The following AGMO variants were observed in gnomAD, a reference collection of about 807,000 sequenced individuals.
AGMO encodes alkylglycerol monooxygenase.
In AGMO, 75 loss-of-function variants were observed where a neutral mutation model predicts 60.2. The observed-to-expected ratio is 1.25, with a 90% CI of 1.03 to 1.51. The LOEUF (loss-of-function observed/expected upper bound fraction) is 1.51, where lower values mean the gene tolerates loss of function less well. AGMO is among the 40% of genes most tolerant of loss of function. The pLI is 0.00. For synonymous variants in AGMO, 261 were observed against 177.1 expected, an observed-to-expected ratio of 1.47 and a Z score of -3.76; for missense variants, 763 against 525.5, an observed-to-expected ratio of 1.45 and a Z score of -4.42.
chr7:15,422,661 C>G (rs943900171), intron 4 of AGMO, among the ~76,000 whole-genome samples: 2 of 152,032 alleles, frequency 1.3e-5, no homozygotes, highest in Non-Finnish European at 2.9e-5. Context: ...AGAGTTTCCC[C>G]AAGGTAGAGA....
chr7:15,446,820 G>A (rs1019906411), intron 3 of AGMO, among the ~76,000 whole-genome samples: 2 of 152,176 alleles, frequency 1.3e-5, no homozygotes, highest in Non-Finnish European at 2.9e-5. Flanking sequence ...TTTCTGGGCT[G>A]TCTTTAAGGA....
the AGMO span, among the ~76,000 whole-genome samples, chr7:15,135,989 T>TTTTC: frequency 6.8e-6 from 1 of 147,196 alleles, no homozygotes; most frequent in Non-Finnish European, 1.5e-5. Flanking sequence ...CTTTTTTTTT[T>TTTTC]TTTTTTGGTT....
At chr7:15,290,513 T>C (rs1185452792) in intron 12 of AGMO, among the ~76,000 whole-genome samples, 2 of 152,208 alleles carry the variant, frequency 1.3e-5, no homozygotes, top group Non-Finnish European at 2.9e-5. Context: ...ATTATCTTCT[T>C]ACTAGCTGCA....
chr7:15,267,801 G>C (rs1381569211), intron 12 of AGMO, among the ~76,000 whole-genome samples: 4 of 151,810 alleles, frequency 2.6e-5, no homozygotes, highest in African/African-American at 7.3e-5. Context: ...AACACTTTAG[G>C]TCTTGTTTCC....
chr7:15,330,477 G>C (rs1237619830), intron 12 of AGMO, among the ~76,000 whole-genome samples: 1 of 152,068 alleles, frequency 6.6e-6, no homozygotes, highest in African/African-American at 2.4e-5. Context: ...ATGAACAAAA[G>C]ACAATATTTT....
intron 3 of AGMO, among the ~76,000 whole-genome samples, chr7:15,439,336 G>T (rs759998674): frequency 6.6e-6 from 1 of 152,180 alleles, no homozygotes; most frequent in African/African-American, 2.4e-5. Context: ...GGCAAAAATT[G>T]CAGTGAGCTG....
chr7:15,171,805 T>G, the AGMO span, among the ~76,000 whole-genome samples: 3 of 152,156 alleles, frequency 2.0e-5, no homozygotes, highest in African/African-American at 7.2e-5. Context: ...GCAATAAATA[T>G]CAAGAAACTT....
intron 3 of AGMO, among the ~76,000 whole-genome samples, chr7:15,448,609 TA>T (rs992906368): frequency 7.7e-5 from 8 of 103,576 alleles, no homozygotes; most frequent in African/African-American, 3.5e-4. Context: ...CCATAAAGTT[TA>T]ATTTTTTTTT....
chr7:15,166,773 T>A, the AGMO span, among the ~76,000 whole-genome samples: 2 of 152,162 alleles, frequency 1.3e-5, no homozygotes, highest in African/African-American at 4.8e-5. Flanking sequence ...GAATTCAGTG[T>A]GGGGAGTACA....
At chr7:15,122,107 A>C in the AGMO span, among the ~76,000 whole-genome samples, 1 of 152,186 alleles carries the variant, frequency 6.6e-6, no homozygotes, top group Non-Finnish European at 1.5e-5. Context: ...AACTATCACC[A>C]AAGTGAACAG....
At chr7:15,180,929 G>C in the AGMO span, among the ~76,000 whole-genome samples, 1 of 152,170 alleles carries the variant, frequency 6.6e-6, no homozygotes, top group African/African-American at 2.4e-5. Flanking sequence ...GCAAATGAAA[G>C]GGTGAAAAGG....
chr7:15,175,476 C>T, the AGMO span, among the ~76,000 whole-genome samples: 1 of 151,794 alleles, frequency 6.6e-6, no homozygotes, highest in African/African-American at 2.4e-5. Context: ...TGGAAGAAAA[C>T]AATAAACATC....
intron 3 of AGMO, among the ~76,000 whole-genome samples, chr7:15,480,968 A>G (rs1004356678): frequency 3.9e-5 from 6 of 152,136 alleles, no homozygotes; most frequent in Non-Finnish European, 8.8e-5. Context: ...AGCATAATTA[A>G]TGTATAAACA....
intron 12 of AGMO, among the ~76,000 whole-genome samples, chr7:15,269,103 A>C (rs953607974): frequency 1.3e-5 from 2 of 152,108 alleles, no homozygotes; most frequent in Non-Finnish European, 2.9e-5. Flanking sequence ...CAACTCTGCC[A>C]ATGTAATGTG....
At chr7:15,432,117 C>G (rs1393617299) in intron 3 of AGMO, among the ~76,000 whole-genome samples, 1 of 151,520 alleles carries the variant, frequency 6.6e-6, no homozygotes, top group Non-Finnish European at 1.5e-5. Flanking sequence ...AGCTATGTGA[C>G]ATGATCATCA....
At position 15,304,057 on chromosome 7, in the gene AGMO, C is replaced by G. The variant is rs530995390; in HGVS notation, c.1263+61457G>C. On this transcript the variant is annotated intron_variant, in intron 12 of 12. Coordinates refer to ENST00000342526, the MANE Select transcript of AGMO (RefSeq NM_001004320.2). ...ACTTGTGTTAGTTCAATTTTCAGTCCTTTTACATATAACAATGCCACGTCA... is the reference window on the plus strand; with the variant it reads ...ACTTGTGTTAGTTCAATTTTCAGTCGTTTTACATATAACAATGCCACGTCA... Among the ~76,000 whole-genome samples the G allele has an allele frequency of 2.0e-5, 3 of 152,156 alleles. No homozygotes were observed. The South Asian group carries it at 6.2e-4, about 32-fold the overall frequency.
intron 2 of AGMO, among the ~76,000 whole-genome samples, chr7:15,553,249 C>T (rs903615663): frequency 4.6e-5 from 7 of 150,574 alleles, no homozygotes. Flanking sequence ...TGCAGCGCAC[C>T]AGCATGGCAC....
At chr7:15,312,694 T>A (rs1438732387) in intron 12 of AGMO, among the ~76,000 whole-genome samples, 1 of 151,806 alleles carries the variant, frequency 6.6e-6, no homozygotes, top group African/African-American at 2.4e-5. Context: ...TTTTGTTTTT[T>A]CCCCCCGAGA....
intron 1 of AGMO, among the ~76,000 whole-genome samples, chr7:15,560,764 G>C (rs533755496): frequency 1.3e-5 from 2 of 151,938 alleles, no homozygotes; most frequent in Non-Finnish European, 2.9e-5. Context: ...TAGAGAATAT[G>C]GTAATTTTAC....
Sources: gnomAD v4.1 joint callset for allele counts (sites outside exome capture counted in the v4.1 genomes callset) on GRCh38, gnomAD v4.1.1 for gene constraint, MANE v1.5 for transcripts, NCBI Gene and HGNC (gene_info 2026-07-23, HGNC 2026-07-21) for gene names.